DNAH12: variants seen among roughly 807,000 people sequenced by gnomAD.
DNAH12 encodes dynein axonemal heavy chain 12.
Under a neutral mutation model 371.5 loss-of-function variants are expected in DNAH12, and 285 were observed. The observed-to-expected ratio is 0.77, with a 90% CI of 0.70 to 0.85. DNAH12 has a LOEUF of 0.85. Ranked by LOEUF, DNAH12 falls within the 40% of genes least tolerant of loss-of-function variation. The pLI, the probability that DNAH12 is intolerant of heterozygous loss-of-function variation, is 0.00. For missense variants in DNAH12, 3,611 were observed against 3,689.4 expected, an observed-to-expected ratio of 0.98 and a Z score of 0.55; for synonymous variants, 1,200 against 1,213.0, an observed-to-expected ratio of 0.99 and a Z score of 0.22.
intron 44 of DNAH12, 143 bp downstream of exon 44, chr3:57,394,025 CAAT>C (rs2063687626): frequency 6.6e-6 from 1 of 152,256 alleles, no homozygotes; most frequent in South Asian, 2.1e-4. Flanking sequence ...ATTCACCAAA[CAAT>C]GATGTATTAA....
chr3:57,373,896 CTTATT>C (rs1439692792), intron 55 of DNAH12, among the ~76,000 whole-genome samples: 3 of 152,164 alleles, frequency 2.0e-5, no homozygotes, highest in African/African-American at 7.2e-5. Context: ...TATACACATT[CTTATT>C]TTATTAAAAC....
chr3:57,365,849 G>C (rs2063039347), intron 57 of DNAH12, among the ~76,000 whole-genome samples: 1 of 98,718 alleles, frequency 1.0e-5, no homozygotes. Context: ...TTAATATCTT[G>C]TGTGTGTGTA....
intron 29 of DNAH12, 144 bp downstream of exon 29, chr3:57,444,553 A>T: frequency 3.3e-6 from 4 of 1,218,100 alleles, no homozygotes; most frequent in Non-Finnish European, 4.5e-6. Context: ...ACCCAAATTT[A>T]CTTATTGTTA....
intron 43 of DNAH12, among the ~76,000 whole-genome samples, chr3:57,400,105 T>C (rs2063826148): frequency 6.6e-6 from 1 of 152,022 alleles, no homozygotes; most frequent in South Asian, 2.1e-4. Flanking sequence ...ACTGGCCAAA[T>C]GGCGAAACCC....
intron 40 of DNAH12, among the ~76,000 whole-genome samples, chr3:57,407,962 T>A (rs1381468627): frequency 6.6e-6 from 1 of 152,276 alleles, no homozygotes; most frequent in Admixed American, 6.5e-5. Flanking sequence ...ATACCTGTGA[T>A]GTGGCAGATA....
intron 11 of DNAH12, among the ~76,000 whole-genome samples, chr3:57,499,645 AAAATATATAT>A (rs1223173776): frequency 8.6e-5 from 2 of 23,358 alleles, no homozygotes; most frequent in East Asian, 4.6e-4. Context: ...AAAAAAAAAA[AAAATATATAT>A]ATATATATAT....
chr3:57,342,829 T>C (rs1456486907), intron 60 of DNAH12, among the ~76,000 whole-genome samples: 3 of 152,050 alleles, frequency 2.0e-5, no homozygotes, highest in Non-Finnish European at 4.4e-5. Flanking sequence ...TCTCAGCACT[T>C]TGGGAGGCCA....
At chr3:57,424,709 TG>T (rs1180584344) in intron 35 of DNAH12, among the ~76,000 whole-genome samples, 2 of 124,082 alleles carry the variant, frequency 1.6e-5, no homozygotes, top group Non-Finnish European at 3.4e-5. Flanking sequence ...CTGGGGGAGG[TG>T]GGGGGTGGAG....
intron 4 of DNAH12, among the ~76,000 whole-genome samples, chr3:57,515,065 C>T (rs2068142563): frequency 1.3e-5 from 2 of 152,040 alleles, no homozygotes; most frequent in African/African-American, 4.8e-5. Context: ...GAAAGGGGGA[C>T]AGGCTAGAAT....
At chr3:57,521,359 A>C (rs2068435032) in intron 4 of DNAH12, among the ~76,000 whole-genome samples, 1 of 151,872 alleles carries the variant, frequency 6.6e-6, no homozygotes, top group African/African-American at 2.4e-5. Flanking sequence ...CCACTGAATG[A>C]TTTTCGCAAC....
chr3:57,487,425 A>AG (rs2066971168), intron 12 of DNAH12, among the ~76,000 whole-genome samples: 1 of 150,706 alleles, frequency 6.6e-6, no homozygotes, highest in African/African-American at 2.4e-5. Context: ...AAAGAAAGAA[A>AG]AAAAAGAAAG....
chr3:57,395,091 TA>T (rs1192141230), intron 43 of DNAH12, among the ~76,000 whole-genome samples: 1 of 152,192 alleles, frequency 6.6e-6, no homozygotes, highest in Non-Finnish European at 1.5e-5. Flanking sequence ...CATCATCTCC[TA>T]TTTTATTATG....
In DNAH12 at chr3:57,383,082, G is replaced by A. The variant is rs1014212142; in HGVS notation, c.7861-689C>T. ...ATTACAGTGGAGGTTACGTGGCAGT[G>A]TAGGAAGCTCTGGAGGCTTCCTACT... On this transcript the variant is annotated intron_variant, in intron 49 of 73. Coordinates refer to ENST00000495027, the MANE Select transcript of DNAH12 (RefSeq NM_001366028.2). Among the ~76,000 whole-genome samples, 9 of 152,310 alleles carry A rather than the reference G, an allele frequency of 5.9e-5. No homozygotes were observed. In the South Asian group the frequency reaches 1.7e-3, roughly 28 times the overall value.
At chr3:57,470,319 G>T (rs1233268958) in intron 16 of DNAH12, 124 bp downstream of exon 16, 2 of 945,896 alleles carry the variant, frequency 2.1e-6, no homozygotes, top group African/African-American at 3.3e-5. Flanking sequence ...CATGGTACCT[G>T]GTTCTCTTTC....
chr3:57,465,863 G>C (rs2066184724), intron 17 of DNAH12, among the ~76,000 whole-genome samples: 1 of 152,046 alleles, frequency 6.6e-6, no homozygotes, highest in South Asian at 2.1e-4. Flanking sequence ...ATGAAAATAT[G>C]CTTAAAATTT....
At chr3:57,435,873 G>GTA (rs34943934) in intron 30 of DNAH12, among the ~76,000 whole-genome samples, 100,530 of 151,646 alleles carry the variant, frequency 0.66, 33,473 homozygotes, top group South Asian at 0.78. Flanking sequence ...CTCTATTTTT[G>GTA]TATGTTTAAA....
chr3:57,418,557 A>AAAAAAAAAAAAAAC (rs797009937), intron 37 of DNAH12, among the ~76,000 whole-genome samples: 1 of 150,240 alleles, frequency 6.7e-6, no homozygotes, highest in African/African-American at 2.5e-5. Context: ...AAAACAAAAA[A>AAAAAAAAAAAAAAC]CTGCTATACT....
chr3:57,419,627 C>A, intron 36 of DNAH12, 109 bp from the exon 37 acceptor site: 1 of 714,314 alleles, frequency 1.4e-6, no homozygotes. Context: ...CTTAAGTCTT[C>A]CCCCTTTTAA....
intron 58 of DNAH12, among the ~76,000 whole-genome samples, chr3:57,358,280 T>A (rs980378283): frequency 0.65 from 98,944 of 151,994 alleles, 32,864 homozygotes; most frequent in Non-Finnish European, 0.74. Flanking sequence ...TGGGACTTTT[T>A]CTACATGTTG....
Sources: gnomAD v4.1 joint callset for allele counts (sites outside exome capture counted in the v4.1 genomes callset) on GRCh38, gnomAD v4.1.1 for gene constraint, MANE v1.5 for transcripts, NCBI Gene and HGNC (gene_info 2026-07-23, HGNC 2026-07-21) for gene names.